PRMT3: variants seen among roughly 807,000 people sequenced by gnomAD.
PRMT3 encodes protein arginine N-methyltransferase 3.
Under a neutral mutation model 71.9 loss-of-function variants are expected in PRMT3, and 62 were observed. The observed-to-expected ratio is 0.86, with a 90% CI of 0.70 to 1.07. The LOEUF is 1.07. Ranked by LOEUF, PRMT3 falls within the 50% of genes least tolerant of loss-of-function variation. PRMT3 has a pLI of 0.00. For missense variants in PRMT3, 663 were observed against 643.0 expected (o/e 1.03, Z -0.34); for synonymous variants, 213 against 220.4 (o/e 0.97, Z 0.30).
intron 9 of PRMT3, among the ~76,000 whole-genome samples, chr11:20,411,171 C>G (rs1849184093): frequency 6.6e-6 from 1 of 151,998 alleles, no homozygotes; most frequent in Admixed American, 6.6e-5. Context: ...ATACCTAAGA[C>G]CTAAAATTTG....
chr11:20,397,992 A>G (rs1299996838), intron 7 of PRMT3, among the ~76,000 whole-genome samples: 1 of 140,098 alleles, frequency 7.1e-6, no homozygotes, highest in Non-Finnish European at 1.5e-5. Context: ...TGGGCAATAC[A>G]GTGAGACCCT....
At chr11:20,464,412 T>G (rs2133405370) in intron 12 of PRMT3, 48 bp from the exon 13 acceptor site, 2 of 1,534,860 alleles carry the variant, frequency 1.3e-6, no homozygotes, top group East Asian at 4.6e-5. Context: ...TTTTTTTTTT[T>G]TGGACTATTT....
intron 10 of PRMT3, among the ~76,000 whole-genome samples, chr11:20,449,678 T>C (rs993745005): frequency 6.6e-6 from 1 of 152,192 alleles, no homozygotes; most frequent in African/African-American, 2.4e-5. Context: ...ACCACCATTA[T>C]TTGTCAGTTT....
intron 11 of PRMT3, among the ~76,000 whole-genome samples, chr11:20,461,618 G>T (rs746505122): frequency 1.3e-5 from 2 of 151,864 alleles, no homozygotes; most frequent in Non-Finnish European, 2.9e-5. Context: ...GTCCTTTTCT[G>T]CATGTTTTTA....
rs114161921 is a variant in PRMT3, at chr11:20,402,149, C to A, written c.706-770C>A. Among the ~76,000 whole-genome samples, 1,456 of 151,786 alleles carry A rather than the reference C, an allele frequency of 9.6e-3. 29 individuals carry two copies. The highest frequency in any genetic ancestry group is 0.034 in the African/African-American group (1,404 of 41,402). ...TTTTTGTTTTTTGAGACGGAATTTG[C>A]GCTCTTGTGGCCCAGGCTGGAGTGC... On this transcript the variant is annotated intron_variant, in intron 7 of 15. Coordinates refer to ENST00000331079, the MANE Select transcript of PRMT3 (RefSeq NM_005788.4).
chr11:20,448,528 G>T (rs1471344459), intron 10 of PRMT3, among the ~76,000 whole-genome samples: 1 of 151,910 alleles, frequency 6.6e-6, no homozygotes, highest in East Asian at 1.9e-4. Context: ...TCATCCTTCA[G>T]ATTAACTCTT....
intron 11 of PRMT3, among the ~76,000 whole-genome samples, chr11:20,461,078 G>C (rs1367563029): frequency 6.6e-6 from 1 of 152,130 alleles, no homozygotes; most frequent in African/African-American, 2.4e-5. Flanking sequence ...ATTAAGTCCA[G>C]TTTACTAATT....
intron 10 of PRMT3, among the ~76,000 whole-genome samples, chr11:20,436,175 T>C (rs940849240): frequency 1.3e-5 from 2 of 152,230 alleles, no homozygotes; most frequent in African/African-American, 2.4e-5. Flanking sequence ...TCATTCAGCT[T>C]TATTGAATGT....
intron 9 of PRMT3, among the ~76,000 whole-genome samples, chr11:20,421,944 C>T (rs1040562918): frequency 5.3e-5 from 8 of 152,170 alleles, no homozygotes; most frequent in African/African-American, 1.9e-4. Flanking sequence ...ATCATAAAGC[C>T]TATCTAAGTT....
At position 20,508,532 on chromosome 11, in the gene PRMT3, T is replaced by G. The variant is rs1387816154; in HGVS notation, c.*119T>G. Reference sequence around the variant, plus strand: ...ATGATGGACCCTTTCCTAATGAGCCTCCTCAATAAGAGAGAAGTTCTCATT... The same window carrying G: ...ATGATGGACCCTTTCCTAATGAGCCGCCTCAATAAGAGAGAAGTTCTCATT... On this transcript the variant is annotated 3_prime_UTR_variant, in exon 16 of 16. Coordinates refer to ENST00000331079, the MANE Select transcript of PRMT3 (RefSeq NM_005788.4). 1 of 745,064 alleles carries G rather than the reference T, an allele frequency of 1.3e-6. No individual in the cohort carries two copies. 46.2% of individuals were successfully genotyped at this position (745,064 alleles called of 1,614,324 possible). A position where few individuals can be genotyped will look rare whatever the true frequency, so the allele number is the denominator to read the frequency against.
At position 20,508,376 on chromosome 11, in the gene PRMT3, C is replaced by A; in HGVS notation, c.1559C>A (p.Thr520Lys). 2 of 1,610,126 alleles carry A rather than the reference C, an allele frequency of 1.2e-6. No individual in the cohort carries two copies. Among genetic ancestry groups the A allele is most frequent in the Non-Finnish European group, 1.7e-6 (2 of 1,176,490 alleles). The change falls in exon 16 of 16, where the codon ACG becomes AAG. Residue 520 changes from threonine to lysine, a missense_variant. Thr to Lys is a moderately conservative substitution (Grantham distance 78). Coordinates refer to ENST00000331079, the MANE Select transcript of PRMT3 (RefSeq NM_005788.4). ...KDPRSLTVTLTLNNSTQTYGL... is the reference protein window; with the variant it reads ...KDPRSLTVTLKLNNSTQTYGL... ...CCACGTTCTCTCACCGTGACCCTCA[C>A]GTTGAATAATTCAACTCAAACTTAT...
chr11:20,428,602 A>T (rs1283977910), intron 10 of PRMT3, among the ~76,000 whole-genome samples: 1 of 152,212 alleles, frequency 6.6e-6, no homozygotes, highest in African/African-American at 2.4e-5. Flanking sequence ...GAATGAATTC[A>T]TGAGATTGTC....
chr11:20,414,475 T>C (rs1849258547), intron 9 of PRMT3, among the ~76,000 whole-genome samples: 1 of 152,196 alleles, frequency 6.6e-6, no homozygotes, highest in Non-Finnish European at 1.5e-5. Context: ...TACTTTGAAC[T>C]CTGCAGTGAA....
intron 7 of PRMT3, among the ~76,000 whole-genome samples, chr11:20,399,267 T>G (rs1323034596): frequency 6.6e-6 from 1 of 152,180 alleles, no homozygotes; most frequent in Admixed American, 6.5e-5. Context: ...TTTGATAACA[T>G]GTATATATTT....
chr11:20,391,568 A>G (rs746652492), intron 3 of PRMT3, among the ~76,000 whole-genome samples: 1 of 152,244 alleles, frequency 6.6e-6, no homozygotes, highest in Non-Finnish European at 1.5e-5. Flanking sequence ...TTGCATTTCT[A>G]AAGTATTAGA....
intron 11 of PRMT3, among the ~76,000 whole-genome samples, chr11:20,459,229 TCAGC>T (rs919763704): frequency 3.9e-5 from 6 of 152,152 alleles, no homozygotes; most frequent in African/African-American, 1.4e-4. Context: ...TTTTAAAACT[TCAGC>T]AAGATTTTAA....
intron 9 of PRMT3, among the ~76,000 whole-genome samples, chr11:20,417,488 G>A (rs1269320093): frequency 6.6e-6 from 1 of 152,060 alleles, no homozygotes; most frequent in Non-Finnish European, 1.5e-5. Context: ...ACTTTATGCT[G>A]TTTGCTTGTC....
chr11:20,489,058 A>T (rs1851146483), intron 13 of PRMT3, among the ~76,000 whole-genome samples: 1 of 152,206 alleles, frequency 6.6e-6, no homozygotes. Flanking sequence ...ATTCTCACAA[A>T]ATATCAAGAG....
intron 11 of PRMT3, among the ~76,000 whole-genome samples, chr11:20,453,294 A>G (rs1020759344): frequency 6.7e-5 from 10 of 150,342 alleles, no homozygotes; most frequent in Non-Finnish European, 1.5e-5. Flanking sequence ...CAGCCTGACC[A>G]ATATAGTGAA....
Sources: allele counts gnomAD v4.1 joint callset (sites outside exome capture counted in the v4.1 genomes callset), GRCh38; gene constraint gnomAD v4.1.1; transcripts MANE v1.5; gene names NCBI Gene and HGNC (gene_info 2026-07-23, HGNC 2026-07-21).